FSTL5: variants seen among roughly 807,000 people sequenced by gnomAD.
FSTL5 encodes follistatin-related protein 5.
Under a neutral mutation model 89.1 loss-of-function variants are expected in FSTL5, and 62 were observed. The ratio of observed to expected loss-of-function variants is 0.70; its 90% confidence interval spans 0.57 to 0.86. FSTL5 has a LOEUF of 0.86. FSTL5 is among the 40% of genes least tolerant of loss of function. FSTL5 has a pLI of 0.00. For missense variants in FSTL5, 1,057 were observed against 1,001.6 expected (o/e 1.06, Z -0.75); for synonymous variants, 383 against 346.2 (o/e 1.11, Z -1.18).
intron 6 of FSTL5, among the ~76,000 whole-genome samples, chr4:161,699,368 C>T (rs1049593095): frequency 3.9e-5 from 6 of 152,116 alleles, no homozygotes; most frequent in Non-Finnish European, 8.8e-5. Flanking sequence ...GAACATTGAA[C>T]ATGTGTTATC....
At chr4:162,113,498 A>T (rs939684912) in intron 1 of FSTL5, among the ~76,000 whole-genome samples, 1 of 152,090 alleles carries the variant, frequency 6.6e-6, no homozygotes, top group Non-Finnish European at 1.5e-5. Flanking sequence ...CAAGAGCCTG[A>T]GTGATCATGT....
Position 161,527,255 on chromosome 4 carries a change from G to T in FSTL5, c.1312+10911C>A, listed in dbSNP as rs183415691. On this transcript the variant is annotated intron_variant, in intron 10 of 15. Coordinates refer to ENST00000306100, the MANE Select transcript of FSTL5 (RefSeq NM_020116.5). ...TTAGCTCTCTGTTTGTCTGTTATTGGTGTATAAGAATGCTTGTGAAAAGCC... is the reference window on the plus strand; with the variant it reads ...TTAGCTCTCTGTTTGTCTGTTATTGTTGTATAAGAATGCTTGTGAAAAGCC... Among the ~76,000 whole-genome samples, 645 of 152,184 alleles carry T rather than the reference G, an allele frequency of 4.2e-3. 1 individual carries two copies. Among genetic ancestry groups the T allele is most frequent in the African/African-American group, 0.015 (611 of 41,498 alleles).
chr4:161,826,964 G>GT (rs1560867782), intron 4 of FSTL5, among the ~76,000 whole-genome samples: 1 of 152,032 alleles, frequency 6.6e-6, no homozygotes, highest in East Asian at 1.9e-4. Context: ...TATTTACTGT[G>GT]TTTTTGTTTT....
intron 3 of FSTL5, among the ~76,000 whole-genome samples, chr4:162,000,282 T>G (rs988047829): frequency 2.6e-5 from 4 of 152,084 alleles, no homozygotes; most frequent in African/African-American, 7.2e-5. Flanking sequence ...ATATATATAT[T>G]TATTTAAACT....
chr4:161,634,843 A>G (rs998187655), intron 7 of FSTL5, among the ~76,000 whole-genome samples: 1 of 152,142 alleles, frequency 6.6e-6, no homozygotes, highest in Admixed American at 6.5e-5. Flanking sequence ...ATAGGTAATC[A>G]TGTTTTATTG....
At chr4:161,428,591 C>T (rs1350332166) in intron 15 of FSTL5, among the ~76,000 whole-genome samples, 1 of 152,176 alleles carries the variant, frequency 6.6e-6, no homozygotes, top group African/African-American at 2.4e-5. Flanking sequence ...GGCCCTCGCT[C>T]CTGGATGACA....
intron 2 of FSTL5, among the ~76,000 whole-genome samples, chr4:162,066,352 TCTC>T (rs769996615): frequency 0.056 from 6,870 of 123,154 alleles, 220 homozygotes; most frequent in East Asian, 0.074. Context: ...TTCTTCTTCT[TCTC>T]CTTCTTCTTC....
At chr4:161,850,027 A>G (rs1030395358) in intron 4 of FSTL5, among the ~76,000 whole-genome samples, 3 of 152,204 alleles carry the variant, frequency 2.0e-5, no homozygotes, top group African/African-American at 7.2e-5. Context: ...CCAAGATCTC[A>G]AAGGAAATGT....
chr4:161,734,199 G>A (rs758256153), intron 6 of FSTL5, among the ~76,000 whole-genome samples: 5 of 152,050 alleles, frequency 3.3e-5, no homozygotes, highest in Admixed American at 6.6e-5. Context: ...TTAATTTTGT[G>A]AGTATTAATG....
chr4:161,796,967 T>A (rs1729650046), intron 4 of FSTL5, among the ~76,000 whole-genome samples: 1 of 151,710 alleles, frequency 6.6e-6, no homozygotes, highest in African/African-American at 2.4e-5. Context: ...AAATAAGTTA[T>A]CTCAGGACTC....
At chr4:161,794,165 C>T (rs1268630260) in intron 4 of FSTL5, among the ~76,000 whole-genome samples, 1 of 152,106 alleles carries the variant, frequency 6.6e-6, no homozygotes, top group Non-Finnish European at 1.5e-5. Context: ...ACAAGTGATG[C>T]CTGGGCTGCA....
At chr4:161,891,705 A>G (rs1732994217) in intron 4 of FSTL5, among the ~76,000 whole-genome samples, 1 of 152,096 alleles carries the variant, frequency 6.6e-6, no homozygotes. Context: ...CAGTGGATTA[A>G]GATTGCATAG....
intron 2 of FSTL5, among the ~76,000 whole-genome samples, chr4:162,072,201 A>G (rs1158881080): frequency 1.3e-5 from 2 of 151,958 alleles, no homozygotes; most frequent in East Asian, 3.9e-4. Context: ...ACAAAATAAT[A>G]CACAGTTAAT....
chr4:162,058,288 C>T (rs993387950), intron 2 of FSTL5, among the ~76,000 whole-genome samples: 3 of 151,940 alleles, frequency 2.0e-5, no homozygotes, highest in Admixed American at 1.3e-4. Flanking sequence ...AAGGTTTCAA[C>T]TGGAAACCGC....
At chr4:161,563,970 C>T (rs1732705858) in intron 8 of FSTL5, among the ~76,000 whole-genome samples, 1 of 151,758 alleles carries the variant, frequency 6.6e-6, no homozygotes, top group Non-Finnish European at 1.5e-5. Context: ...TATGTAAATG[C>T]TTATGCGTTA....
chr4:161,907,629 G>C (rs1271722861), intron 4 of FSTL5, among the ~76,000 whole-genome samples: 10 of 152,000 alleles, frequency 6.6e-5, no homozygotes, highest in Non-Finnish European at 1.2e-4. Context: ...TGCATACATG[G>C]GTGCTGATAC....
chr4:161,502,220 T>G lies in FSTL5; in HGVS notation c.1340-2086A>C, dbSNP rs146127936. On this transcript the variant is annotated intron_variant, in intron 11 of 15. Transcript: ENST00000306100. Reference sequence around the variant, plus strand: ...ACTTTTATTAGGTTGTTTTACCATATTCTACACAGAAAAGAGTCAGTGGGA... The same window carrying G: ...ACTTTTATTAGGTTGTTTTACCATAGTCTACACAGAAAAGAGTCAGTGGGA... Among the ~76,000 whole-genome samples, 11 of 152,090 alleles carry G rather than the reference T, an allele frequency of 7.2e-5. No individual in the cohort carries two copies. In the East Asian group the frequency reaches 2.1e-3, roughly 29 times the overall value.
intron 7 of FSTL5, among the ~76,000 whole-genome samples, chr4:161,641,360 G>A (rs750053754): frequency 5.3e-5 from 8 of 152,052 alleles, no homozygotes. Context: ...AACTAAATAT[G>A]AGTTTATATT....
chr4:162,101,453 G>C (rs916705665), intron 2 of FSTL5, among the ~76,000 whole-genome samples: 1 of 152,150 alleles, frequency 6.6e-6, no homozygotes, highest in African/African-American at 2.4e-5. Flanking sequence ...AATTTGAGGA[G>C]ACAGCTTTAA....
Sources: gnomAD v4.1 joint callset for allele counts (sites outside exome capture counted in the v4.1 genomes callset) on GRCh38, gnomAD v4.1.1 for gene constraint, MANE v1.5 for transcripts, NCBI Gene and HGNC (gene_info 2026-07-23, HGNC 2026-07-21) for gene names.